SP110: variants seen among roughly 807,000 people sequenced by gnomAD.
SP110 encodes the protein SP110 nuclear body protein.
Under a neutral mutation model 92.7 loss-of-function variants are expected in SP110, and 62 were observed. The ratio of observed to expected loss-of-function variants is 0.67; its 90% CI spans 0.55 to 0.83. The LOEUF (loss-of-function observed/expected upper bound fraction) is 0.83. Ranked by LOEUF, SP110 falls within the 40% of genes least tolerant of loss-of-function variation. SP110 has a pLI of 0.00. For synonymous variants in SP110, 273 were observed against 305.3 expected (o/e 0.89, Z 1.10); for missense variants, 793 against 863.9 (o/e 0.92, Z 1.03).
At chr2:230,175,326 T>A (rs911386585) in intron 14 of SP110, among the ~76,000 whole-genome samples, 2 of 152,174 alleles carry the variant, frequency 1.3e-5, no homozygotes, top group African/African-American at 2.4e-5. Flanking sequence ...TCCATACTTA[T>A]GAATCCATGT....
intron 15 of SP110, 160 bp from the exon 16 acceptor site, chr2:230,172,334 G>T: frequency 1.5e-6 from 1 of 689,282 alleles, no homozygotes; most frequent in Non-Finnish European, 2.7e-6. Context: ...TCCAGCATTG[G>T]CCCTTCCCTC....
At chr2:230,199,173 A>T (rs2043018343) in intron 10 of SP110, among the ~76,000 whole-genome samples, 5 of 136,188 alleles carry the variant, frequency 3.7e-5, no homozygotes, top group South Asian at 2.4e-4. Context: ...TAGTGGGGTG[A>T]GGTTTGCTGT....
intron 1 of SP110, among the ~76,000 whole-genome samples, chr2:230,219,225 A>G (rs1353752444): frequency 6.6e-6 from 1 of 152,248 alleles, no homozygotes; most frequent in Non-Finnish European, 1.5e-5. Flanking sequence ...ACTCCGTCTC[A>G]GAAAACAACA....
Position 230,172,896 on chromosome 2 carries a change from A to G in SP110, c.1654T>C (p.Cys552Arg). Reference protein sequence around the residue: ...QGGQLLCCGTCPRVFHEDCHI... With the variant: ...QGGQLLCCGTRPRVFHEDCHI... ...CAGTCCTCATGGAAGACTCGTGGAC[A>G]AGTACCGCAGCAGAGAAGTTGTCCC... The change falls in exon 15 of 19, where the codon TGT (cysteine) becomes CGT (arginine). Residue 552 changes from cysteine (C) to arginine (R), a missense_variant. Physicochemically the swap from Cys to Arg is radical, Grantham distance 180 (BLOSUM62 -3). Coordinates refer to ENST00000258381, the MANE Select transcript of SP110 (RefSeq NM_080424.4). The G allele has an allele frequency of 6.2e-7, 1 of 1,614,140 alleles. No homozygotes were observed. Among genetic ancestry groups the G allele is most frequent in the East Asian group, 2.2e-5 (1 of 44,874 alleles).
At chr2:230,206,595 T>A (rs1432846704) in intron 8 of SP110, among the ~76,000 whole-genome samples, 4 of 70,506 alleles carry the variant, frequency 5.7e-5, no homozygotes, top group East Asian at 8.0e-4. Flanking sequence ...GGTCCAGATT[T>A]TATATATATA....
chr2:230,168,917 A>AT lies in SP110; in HGVS notation c.*206dup, dbSNP rs1553839905. On this transcript the variant is annotated 3_prime_UTR_variant, in exon 19 of 19. Transcript: ENST00000258381. ...ATCTGATGGTATTAAGGAAGTATTA[A>AT]TTTTTTTTTTTTTTAGTGTAGATAT... 6.3e-3 allele frequency: 2,666 copies of AT among 425,140 alleles called. 1 individual carries two copies. Among genetic ancestry groups the AT allele is most frequent in the East Asian group, 0.018 (463 of 25,472 alleles). 26.3% of individuals were successfully genotyped at this position (425,140 alleles called of 1,614,324 possible). A position where few individuals can be genotyped will look rare whatever the true frequency, so the allele number is the denominator to read the frequency against.
chr2:230,169,060 T>C lies in SP110; in HGVS notation c.*64A>G. On this transcript the variant is annotated 3_prime_UTR_variant, in exon 19 of 19. Coordinates refer to ENST00000258381, the MANE Select transcript of SP110 (RefSeq NM_080424.4). ...TCCCAGACTCACTGGCAATCAACAG[T>C]CCAAGCCAGGGTCCCATCAGCTGAA... is the stretch of plus-strand genomic sequence containing the variant. 9.0e-7 allele frequency: 1 copy of C among 1,112,638 alleles called. No individual in the cohort carries two copies. Among genetic ancestry groups the C allele is most frequent in the Non-Finnish European group, 1.4e-6 (1 of 724,418 alleles). The allele number at this position is 1,112,638 out of a possible 1,614,324, so 68.9% of individuals were successfully genotyped here. A position where few individuals can be genotyped will look rare whatever the true frequency, so the allele number is the denominator to read the frequency against.
In SP110 at chr2:230,168,122, A is replaced by AAAAG. The variant is rs1560516924; in HGVS notation, c.*1001_*1002insCTTT. ...AGACTCTGTCTCAAAAAAAAAAAAA[A>AAAAG]AAAAAAAAAAAGAAAAAGTGGGCAA... On this transcript the variant is annotated 3_prime_UTR_variant, in exon 19 of 19. Transcript: ENST00000258381. 2 of 135,242 alleles carry AAAAG rather than the reference A, an allele frequency of 1.5e-5. No homozygotes were observed. Among genetic ancestry groups the AAAAG allele is most frequent in the African/African-American group, 5.6e-5 (2 of 35,896 alleles). The allele number at this position is 135,242 out of a possible 1,614,324, so 8.4% of individuals were successfully genotyped here.
chr2:230,182,768 A>G (rs2042185613), intron 12 of SP110, among the ~76,000 whole-genome samples: 1 of 152,204 alleles, frequency 6.6e-6, no homozygotes, highest in African/African-American at 2.4e-5. Flanking sequence ...CTTAGGATAC[A>G]TGCCATTTTC....
At chr2:230,217,672 G>A (rs1346311) in intron 1 of SP110, among the ~76,000 whole-genome samples, 21,659 of 152,108 alleles carry the variant, frequency 0.14, 1,644 homozygotes, top group African/African-American at 0.18. Context: ...ACTTGCCCCA[G>A]GGTTGCACAA....
At chr2:230,174,629 G>A (rs2041768853) in intron 14 of SP110, among the ~76,000 whole-genome samples, 1 of 152,206 alleles carries the variant, frequency 6.6e-6, no homozygotes, top group Admixed American at 6.5e-5. Context: ...CTGCATCCAA[G>A]CCCTTCTGGA....
chr2:230,165,742 G>C lies in SP110; in HGVS notation c.*3382C>G, dbSNP rs539630334. Among the ~76,000 whole-genome samples the C allele has an allele frequency of 7.9e-5, 12 of 152,048 alleles. No individual in the cohort carries two copies. The South Asian group carries it at 2.5e-3, about 32-fold the overall frequency. Reference sequence around the variant, plus strand: ...TGACATTAAAAAAATAAGTCAAAATGCATTGGGAAAACTTATGGGTAAATA... The same window carrying C: ...TGACATTAAAAAAATAAGTCAAAATCCATTGGGAAAACTTATGGGTAAATA... On this transcript the variant is annotated 3_prime_UTR_variant, in exon 19 of 19. Coordinates refer to ENST00000258381, the MANE Select transcript of SP110 (RefSeq NM_080424.4).
intron 1 of SP110, among the ~76,000 whole-genome samples, chr2:230,217,294 A>C (rs2045323920): frequency 1.3e-5 from 2 of 151,310 alleles, no homozygotes; most frequent in South Asian, 4.2e-4. Context: ...GAATGTGGGA[A>C]GCTTCTCTCT....
chr2:230,168,412 A>AAC lies in SP110; in HGVS notation c.*711_*712insGT, dbSNP rs1553839600. On this transcript the variant is annotated 3_prime_UTR_variant, in exon 19 of 19. Transcript: ENST00000258381. ...CTGACCAATAATTATGTAAAAAAAA[A>AAC]CCTGAATCTCATCATTTTGCAACCT... is the stretch of plus-strand genomic sequence containing the variant. 4 of 151,558 alleles carry AAC rather than the reference A, an allele frequency of 2.6e-5. No individual in the cohort carries two copies. Among genetic ancestry groups the AAC allele is most frequent in the Non-Finnish European group, 5.9e-5 (4 of 67,858 alleles). 9.4% of individuals were successfully genotyped at this position (151,558 alleles called of 1,614,324 possible).
At chr2:230,202,493 A>G (rs1429277307) in intron 9 of SP110, 86 bp downstream of exon 9, 5 of 1,286,502 alleles carry the variant, frequency 3.9e-6, no homozygotes. Context: ...TATTGACTTT[A>G]CATATCTACT....
chr2:230,183,856 A>G lies in SP110; in HGVS notation c.1280-216T>C, dbSNP rs147719639. 1.3e-3 allele frequency among the ~76,000 whole-genome samples: 203 copies of G among 152,328 alleles called. 2 individuals are homozygous for G. The highest frequency in any genetic ancestry group is 4.4e-3 in the African/African-American group (182 of 41,554). On this transcript the variant is annotated intron_variant, in intron 11 of 18. Coordinates refer to ENST00000258381, the MANE Select transcript of SP110 (RefSeq NM_080424.4). The stretch of plus-strand genomic sequence containing the variant: ...AAAGCTAAAAATACTACAGAAGCCA[A>G]ATTTCCACTAATTAATATATGTCAA...
rs79927906 is a variant in SP110 at position 230,196,261 on chromosome 2, A to G, written c.1129+4624T>C. Among the ~76,000 whole-genome samples, 274 of 152,324 alleles carry G rather than the reference A, an allele frequency of 1.8e-3. 1 individual carries two copies. Among genetic ancestry groups the G allele is most frequent in the Non-Finnish European group, 3.2e-3 (216 of 68,004 alleles). ...TGTGCAAAGATACAAATACACACAA[A>G]CCTGATTTCTATTTTCATATAAAAA... is the stretch of plus-strand genomic sequence containing the variant. On this transcript the variant is annotated intron_variant, in intron 10 of 18. Coordinates refer to ENST00000258381, the MANE Select transcript of SP110 (RefSeq NM_080424.4).
chr2:230,202,577 A>G lies in SP110; in HGVS notation c.1048+2T>C, dbSNP rs2043291839. The G allele has an allele frequency of 6.2e-7, 1 of 1,613,892 alleles. No individual in the cohort carries two copies. The highest frequency in any genetic ancestry group is 8.5e-7 in the Non-Finnish European group (1 of 1,179,938). Reference sequence around the variant, plus strand: ...AATGGCAGATTCCATCATCAGCCTTACCCTCTGATCTCGACTTTCGGGCAC... The same window carrying G: ...AATGGCAGATTCCATCATCAGCCTTGCCCTCTGATCTCGACTTTCGGGCAC... On this transcript the variant is annotated splice_donor_variant, in intron 9 of 18. Coordinates refer to ENST00000258381, the MANE Select transcript of SP110 (RefSeq NM_080424.4). LOFTEE classifies it high-confidence loss of function.
At chr2:230,203,759 G>C (rs2043442594) in intron 8 of SP110, 2 of 152,060 alleles carry the variant, frequency 1.3e-5, no homozygotes, top group Non-Finnish European at 2.9e-5. Flanking sequence ...CTTTTTATGT[G>C]TTTTGTTTTG....
Sources: allele counts gnomAD v4.1 joint callset (sites outside exome capture counted in the v4.1 genomes callset), GRCh38; gene constraint gnomAD v4.1.1; transcripts MANE v1.5; gene names NCBI Gene and HGNC (gene_info 2026-07-23, HGNC 2026-07-21).